The following DYM variants were observed in gnomAD, a reference collection of about 807,000 sequenced individuals.
DYM encodes dyggve-Melchior-Clausen syndrome protein.
In DYM, 78 loss-of-function variants were observed where a neutral mutation model predicts 93.1. That is an observed-to-expected ratio of 0.84 (90% confidence interval 0.70 to 1.01). The LOEUF is 1.01. Among genes scored for constraint, DYM ranks in the 50% least tolerant of loss-of-function variants. The pLI, the probability that DYM is intolerant of heterozygous loss-of-function variation, is 0.00. For synonymous variants in DYM, 321 were observed against 319.7 expected, an observed-to-expected ratio of 1.00 and a Z score of -0.04; for missense variants, 789 against 845.0, an observed-to-expected ratio of 0.93 and a Z score of 0.82.
At chr18:49,292,881 T>C (rs2060252719) in intron 8 of DYM, among the ~76,000 whole-genome samples, 1 of 152,118 alleles carries the variant, frequency 6.6e-6, no homozygotes, top group Non-Finnish European at 1.5e-5. Flanking sequence ...AAGGTACAGG[T>C]TTGTTACATA....
intron 13 of DYM, among the ~76,000 whole-genome samples, chr18:49,236,104 T>G (rs2093852808): frequency 6.6e-6 from 1 of 152,190 alleles, no homozygotes; most frequent in African/African-American, 2.4e-5. Flanking sequence ...AAAACCTTTT[T>G]AAAAAACATA....
chr18:49,054,399 G>A (rs1342063406), intron 17 of DYM, among the ~76,000 whole-genome samples: 2 of 152,012 alleles, frequency 1.3e-5, no homozygotes, highest in East Asian at 3.9e-4. Flanking sequence ...ATGCCACTAC[G>A]CCCGGCTAAT....
At chr18:49,414,113 T>A (rs1479815011) in intron 2 of DYM, among the ~76,000 whole-genome samples, 2 of 151,366 alleles carry the variant, frequency 1.3e-5, no homozygotes, top group African/African-American at 4.9e-5. Context: ...ATACCCAGAG[T>A]AGTCAAATTC....
At chr18:49,202,897 G>A (rs529398552) in intron 14 of DYM, among the ~76,000 whole-genome samples, 5,924 of 135,336 alleles carry the variant, frequency 0.044, 466 homozygotes, top group African/African-American at 0.15. Context: ...GTCCGGGAGG[G>A]AGGTTGGGGG....
chr18:49,289,776 C>CGT (rs2059977876), intron 8 of DYM, among the ~76,000 whole-genome samples: 8 of 85,518 alleles, frequency 9.4e-5, no homozygotes, highest in African/African-American at 4.6e-4. Context: ...TATATATACA[C>CGT]ATATATATAT....
At chr18:49,062,495 A>G (rs573519061) in intron 17 of DYM, among the ~76,000 whole-genome samples, 1 of 152,326 alleles carries the variant, frequency 6.6e-6, no homozygotes, top group Non-Finnish European at 1.5e-5. Flanking sequence ...GAAGCCAGCA[A>G]GCTTCCTCCC....
chr18:49,382,956 G>A (rs111699412), intron 3 of DYM, among the ~76,000 whole-genome samples: 32 of 152,238 alleles, frequency 2.1e-4, no homozygotes, highest in African/African-American at 5.3e-4. Context: ...AGATCTCACC[G>A]AAAGACTCAT....
chr18:49,256,980 ATCAGTATT>A (rs771510576), intron 13 of DYM, 22 bp downstream of exon 13: 44 of 1,567,800 alleles, frequency 2.8e-5, no homozygotes, highest in Non-Finnish European at 3.0e-5. Flanking sequence ...CCAGAGGCAA[ATCAGTATT>A]TCTTTTAAAG....
At chr18:49,079,058 T>G (rs2077555997) in intron 17 of DYM, among the ~76,000 whole-genome samples, 1 of 152,258 alleles carries the variant, frequency 6.6e-6, no homozygotes, top group Admixed American at 6.5e-5. Context: ...ATGAGATTCT[T>G]TGTGTTTATT....
intron 17 of DYM, among the ~76,000 whole-genome samples, chr18:49,055,142 G>A (rs1457152137): frequency 1.5e-4 from 23 of 152,182 alleles, no homozygotes; most frequent in Admixed American, 1.5e-3. Context: ...TGTGGAGACA[G>A]GGCTGGGGTG....
At chr18:49,358,814 A>G (rs1182668943) in intron 6 of DYM, among the ~76,000 whole-genome samples, 2 of 151,716 alleles carry the variant, frequency 1.3e-5, no homozygotes, top group South Asian at 4.2e-4. Context: ...TGTACAACTA[A>G]CAGCCACAGA....
At position 49,417,526 on chromosome 18, in the gene DYM, G is replaced by A. The variant is rs184959681; in HGVS notation, c.140+12729C>T. On this transcript the variant is annotated intron_variant, in intron 2 of 17. Transcript: ENST00000675505. ...CAATCCAAATGGTAAAACCCAAATG[G>A]TAAATCCAATTAATTTTGGTATATA... Among the ~76,000 whole-genome samples the A allele has an allele frequency of 1.7e-3, 258 of 151,600 alleles. 1 individual carries two copies. Among genetic ancestry groups the A allele is most frequent in the Middle Eastern group, 3.4e-3 (1 of 294 alleles).
At chr18:49,084,698 T>C (rs1342937785) in intron 17 of DYM, among the ~76,000 whole-genome samples, 2 of 152,182 alleles carry the variant, frequency 1.3e-5, no homozygotes, top group Non-Finnish European at 2.9e-5. Flanking sequence ...ATTTATGTAA[T>C]GTAATACTAA....
In DYM at chr18:49,097,403, T is replaced by C. The variant is rs2079642732; in HGVS notation, c.2024A>G (p.Lys675Arg). 1 of 1,613,746 alleles carries C rather than the reference T, an allele frequency of 6.2e-7. No homozygotes were observed. Among genetic ancestry groups the C allele is most frequent in the African/African-American group, 1.3e-5 (1 of 74,906 alleles). ...GVVALPKDRL[K>R]KFPELKFKYV... ...TGGACATTTCTTTAGCCTTCTTACCTTCAGTCTGTCTTTGGGCAGCGCAAC... is the reference window on the plus strand; with the variant it reads ...TGGACATTTCTTTAGCCTTCTTACCCTCAGTCTGTCTTTGGGCAGCGCAAC... Residue 675 changes from lysine (K) to arginine (R), a missense_variant and splice_region_variant, in exon 17 of 18, where the codon AAG becomes AGG. This residue lies in a region of DYM where 114 missense variants were observed against 105.8 expected (regional missense o/e 1.08). Coordinates refer to ENST00000675505, the MANE Select transcript of DYM (RefSeq NM_001353214.3).
intron 6 of DYM, among the ~76,000 whole-genome samples, chr18:49,347,999 C>T (rs1256094067): frequency 6.6e-6 from 1 of 152,178 alleles, no homozygotes; most frequent in African/African-American, 2.4e-5. Context: ...GAACAAACCA[C>T]TGCTGGAGCA....
intron 14 of DYM, among the ~76,000 whole-genome samples, chr18:49,201,975 T>C (rs963733976): frequency 1.4e-4 from 22 of 152,220 alleles, no homozygotes; most frequent in African/African-American, 4.8e-4. Context: ...TAAGCATTTG[T>C]TAATTAGTCA....
intron 1 of DYM, among the ~76,000 whole-genome samples, chr18:49,454,356 G>C (rs1377181745): frequency 6.6e-6 from 1 of 152,182 alleles, no homozygotes; most frequent in African/African-American, 2.4e-5. Flanking sequence ...TGCAAGCTGG[G>C]AGCTTGCACA....
At chr18:49,369,804 C>T (rs893395780) in intron 5 of DYM, among the ~76,000 whole-genome samples, 8 of 152,128 alleles carry the variant, frequency 5.3e-5, no homozygotes, top group African/African-American at 1.2e-4. Context: ...GCCAGGCTTC[C>T]GCTTGGCTTT....
chr18:49,081,901 A>T (rs7238988), intron 17 of DYM, among the ~76,000 whole-genome samples: 1 of 152,186 alleles, frequency 6.6e-6, no homozygotes, highest in Non-Finnish European at 1.5e-5. Flanking sequence ...GTCAGGAAGT[A>T]GGTTTGTTAT....
Sources: gnomAD v4.1 joint callset for allele counts (sites outside exome capture counted in the v4.1 genomes callset) on GRCh38, gnomAD v4.1.1 for gene constraint, gnomAD v4.1.1 regional missense constraint, MANE v1.5 for transcripts, NCBI Gene and HGNC (gene_info 2026-07-23, HGNC 2026-07-21) for gene names.